Variants in AFF3 observed in about 807,000 individuals in gnomAD.
AFF3 encodes the protein ALF transcription elongation factor 3.
Under a neutral mutation model 129.7 loss-of-function variants are expected in AFF3, and 32 were observed. The observed-to-expected ratio is 0.25, with a 90% CI of 0.19 to 0.33. The LOEUF (loss-of-function observed/expected upper bound fraction) is 0.33, where lower values mean the gene tolerates loss of function less well. AFF3 is among the 10% of genes least tolerant of loss of function. AFF3 has a pLI of 1.00. For missense variants in AFF3, 1,373 were observed against 1,592.0 expected, an observed-to-expected ratio of 0.86 and a Z score of 2.34; for synonymous variants, 644 against 635.4, an observed-to-expected ratio of 1.01 and a Z score of -0.20.
At chr2:99,895,664 C>T (rs749261770) in intron 7 of AFF3, among the ~76,000 whole-genome samples, 16 of 152,010 alleles carry the variant, frequency 1.1e-4, no homozygotes, top group Non-Finnish European at 2.2e-4. Flanking sequence ...TCCTTGCTGA[C>T]GAACAGACAG....
At chr2:100,132,845 A>C (rs1420882741) in intron 1 of AFF3, among the ~76,000 whole-genome samples, 3 of 151,848 alleles carry the variant, frequency 2.0e-5, no homozygotes, top group African/African-American at 4.8e-5. Context: ...TATTATTAAA[A>C]ATTTTAAAAA....
At chr2:99,614,259 C>T (rs772836144) in intron 13 of AFF3, among the ~76,000 whole-genome samples, 1 of 152,178 alleles carries the variant, frequency 6.6e-6, no homozygotes, top group African/African-American at 2.4e-5. Context: ...GAACCTGCCA[C>T]ATTTAGCAGA....
Position 99,558,961 on chromosome 2 carries a change from A to G in AFF3, c.3199T>C (p.Cys1067Arg). 1 of 1,614,186 alleles carries G rather than the reference A, an allele frequency of 6.2e-7. No homozygotes were observed. Among genetic ancestry groups the G allele is most frequent in the Non-Finnish European group, 8.5e-7 (1 of 1,180,012 alleles). ...ATCCGCCAGTACAGGAGGGCCAGGCATCGGTAACTGCAGGCGAAAAGAGAA... is the reference window on the plus strand; with the variant it reads ...ATCCGCCAGTACAGGAGGGCCAGGCGTCGGTAACTGCAGGCGAAAAGAGAA... The part of the protein sequence containing the change: ...DKQLAALCYR[C>R]LALLYWRMFR... The change falls in exon 22 of 25, where the codon TGC (cysteine) becomes CGC (arginine). Residue 1067 changes from cysteine to arginine, a missense_variant. Cys to Arg is a radical substitution (Grantham distance 180). Around this residue, in one of 9 missense-constraint regions of AFF3, gnomAD observed 165 missense variants for 234.0 expected, o/e 0.71. Transcript: ENST00000672756.
chr2:100,088,245 T>C (rs1689601227), intron 4 of AFF3, among the ~76,000 whole-genome samples: 2 of 151,852 alleles, frequency 1.3e-5, no homozygotes, highest in Admixed American at 1.3e-4. Flanking sequence ...TATTCACAGA[T>C]GACATAATCA....
At chr2:99,888,455 A>G (rs1436523364) in intron 7 of AFF3, among the ~76,000 whole-genome samples, 1 of 152,214 alleles carries the variant, frequency 6.6e-6, no homozygotes, top group East Asian at 1.9e-4. Flanking sequence ...CAGCTACAAT[A>G]CTAGAAATGT....
At chr2:99,581,167 T>C (rs1241554645) in intron 17 of AFF3, among the ~76,000 whole-genome samples, 1 of 152,262 alleles carries the variant, frequency 6.6e-6, no homozygotes, top group Non-Finnish European at 1.5e-5. Flanking sequence ...ACTTACCGAA[T>C]GAGCACCTCT....
chr2:99,648,917 A>ACACACTCTCTCTCTCTCTCT, intron 13 of AFF3, among the ~76,000 whole-genome samples: 32 of 46,930 alleles, frequency 6.8e-4, no homozygotes, highest in South Asian at 2.5e-3. Flanking sequence ...ACACACACAC[A>ACACACTCTCTCTCTCTCTCT]CTCTCTCTCT....
chr2:99,892,412 T>C (rs965058372), intron 7 of AFF3, among the ~76,000 whole-genome samples: 1 of 152,158 alleles, frequency 6.6e-6, no homozygotes, highest in African/African-American at 2.4e-5. Context: ...GAATTACTCA[T>C]AGTCAGATAA....
At chr2:99,764,127 T>G (rs1682825440) in intron 8 of AFF3, among the ~76,000 whole-genome samples, 1 of 152,206 alleles carries the variant, frequency 6.6e-6, no homozygotes, top group South Asian at 2.1e-4. Flanking sequence ...GACCTGTGCA[T>G]CCCACTTGCT....
chr2:99,923,663 C>A (rs1309192953), intron 7 of AFF3, among the ~76,000 whole-genome samples: 28 of 152,008 alleles, frequency 1.8e-4, no homozygotes, highest in Admixed American at 1.8e-3. Context: ...ACATATTGTT[C>A]GTTCTTTTCC....
rs555413022 is a variant in AFF3 at position 99,660,720 on chromosome 2, G to C, written c.1144-11054C>G. Among the ~76,000 whole-genome samples the C allele has an allele frequency of 5.3e-5, 8 of 152,328 alleles. No individual in the cohort carries two copies. In the East Asian group the frequency reaches 1.5e-3, roughly 29 times the overall value. ...CTCTACTGGAATCCTTGCGTGCAGG[G>C]TTTTCTAGCGTGCAGATGACCATAT... On this transcript the variant is annotated intron_variant, in intron 12 of 24. Transcript: ENST00000672756.
At chr2:99,819,580 T>C (rs1213543986) in intron 8 of AFF3, among the ~76,000 whole-genome samples, 1 of 152,244 alleles carries the variant, frequency 6.6e-6, no homozygotes, top group East Asian at 1.9e-4. Context: ...TTATTAGATA[T>C]GTTGATTCAC....
At chr2:99,849,111 C>A (rs1446016807) in intron 7 of AFF3, among the ~76,000 whole-genome samples, 1 of 151,948 alleles carries the variant, frequency 6.6e-6, no homozygotes, top group African/African-American at 2.4e-5. Context: ...AAGCATGATT[C>A]CACTTCTACC....
rs191202372 is a variant in AFF3, at chr2:100,077,061, G to A, written c.53+27341C>T. 2.0e-3 allele frequency among the ~76,000 whole-genome samples: 306 copies of A among 152,106 alleles called. 1 individual carries two copies. The highest frequency in any genetic ancestry group is 4.0e-3 in the South Asian group (19 of 4,810). On this transcript the variant is annotated intron_variant, in intron 4 of 24. Coordinates refer to ENST00000672756, the MANE Select transcript of AFF3 (RefSeq NM_001386135.1). Reference sequence around the variant, plus strand: ...GCCAGGAGCTGGAGACCAGCCTGGCGAACACAGTGAAACCCTGTCTCTACT... The same window carrying A: ...GCCAGGAGCTGGAGACCAGCCTGGCAAACACAGTGAAACCCTGTCTCTACT...
chr2:99,752,692 A>T (rs1043256466), intron 8 of AFF3, among the ~76,000 whole-genome samples: 8 of 152,222 alleles, frequency 5.3e-5, no homozygotes, highest in African/African-American at 1.9e-4. Flanking sequence ...AGGTACTTTT[A>T]ACTTTATGAA....
At chr2:100,105,474 A>C (rs1478975190) in intron 3 of AFF3, 30 bp downstream of exon 3, 1 of 1,325,576 alleles carries the variant, frequency 7.5e-7, no homozygotes, top group South Asian at 1.2e-5. Context: ...CCAGCCCTGG[A>C]AACCAACCTC....
intron 4 of AFF3, among the ~76,000 whole-genome samples, chr2:100,065,765 T>C (rs989513631): frequency 2.0e-5 from 3 of 152,190 alleles, no homozygotes; most frequent in Non-Finnish European, 4.4e-5. Context: ...AGAATCTTTT[T>C]AAAACAAAAT....
chr2:99,631,397 T>C (rs1558669683), intron 13 of AFF3, among the ~76,000 whole-genome samples: 1 of 152,220 alleles, frequency 6.6e-6, no homozygotes, highest in African/African-American at 2.4e-5. Context: ...TTCAGTTCAG[T>C]AGTGTTAAAG....
chr2:100,000,070 A>G (rs1347160454), intron 7 of AFF3, among the ~76,000 whole-genome samples: 1 of 152,202 alleles, frequency 6.6e-6, no homozygotes, highest in African/African-American at 2.4e-5. Flanking sequence ...CTGTAAATGT[A>G]TTGCTAATGC....
Sources: allele counts gnomAD v4.1 joint callset (sites outside exome capture counted in the v4.1 genomes callset), GRCh38; gene constraint gnomAD v4.1.1; regional missense constraint gnomAD v4.1.1; transcripts MANE v1.5; gene names NCBI Gene and HGNC (gene_info 2026-07-23, HGNC 2026-07-21).